The following ACSM1 variants were observed in gnomAD, a reference collection of about 807,000 sequenced individuals.
ACSM1 encodes the protein acyl-coenzyme A synthetase ACSM1, mitochondrial.
A neutral mutation model predicts 75.8 loss-of-function variants in ACSM1; 79 were observed. That is an observed-to-expected ratio of 1.04 (90% CI 0.87 to 1.26). ACSM1 has a LOEUF of 1.26. Ranked by LOEUF, ACSM1 falls within the 50% of genes most tolerant of loss-of-function variation. The probability of loss-of-function intolerance (pLI) is 0.00; values close to 1 mark genes in which losing one functional copy is unlikely to be tolerated. For synonymous variants in ACSM1, 279 were observed against 265.8 expected (o/e 1.05, Z -0.48); for missense variants, 676 against 720.1 (o/e 0.94, Z 0.70).
intron 10 of ACSM1, among the ~76,000 whole-genome samples, chr16:20,631,704 T>C (rs1016796998): frequency 1.3e-5 from 2 of 152,232 alleles, no homozygotes; most frequent in African/African-American, 4.8e-5. Flanking sequence ...TGTGAAATCA[T>C]GTCTTTCGTG....
At chr16:20,694,404 G>A (rs962279131) in intron 1 of ACSM1, among the ~76,000 whole-genome samples, 1 of 152,066 alleles carries the variant, frequency 6.6e-6, no homozygotes, top group Non-Finnish European at 1.5e-5. Flanking sequence ...ATTTCTTTAC[G>A]GCACCAAGGA....
chr16:20,682,185 GTC>G (rs2079459752), intron 4 of ACSM1, 69 bp downstream of exon 4: 1 of 1,473,490 alleles, frequency 6.8e-7, no homozygotes, highest in Admixed American at 1.7e-5. Flanking sequence ...AACCCCACTG[GTC>G]TCTCTGATTC....
intron 2 of ACSM1, among the ~76,000 whole-genome samples, chr16:20,686,892 T>A (rs2152325831): frequency 6.6e-6 from 1 of 152,058 alleles, no homozygotes; most frequent in East Asian, 1.9e-4. Flanking sequence ...GAAGACATCA[T>A]GTTGTACACC....
chr16:20,664,176 T>TATTTA (rs2019445443), intron 6 of ACSM1, among the ~76,000 whole-genome samples: 1 of 151,612 alleles, frequency 6.6e-6, no homozygotes, highest in Non-Finnish European at 1.5e-5. Context: ...TTTATTTATT[T>TATTTA]TTGGTCTAAA....
intron 6 of ACSM1, among the ~76,000 whole-genome samples, chr16:20,664,980 T>C (rs1240595672): frequency 2.0e-5 from 3 of 152,134 alleles, no homozygotes; most frequent in African/African-American, 7.2e-5. Context: ...CCAAAATCGT[T>C]GAGATGCACC....
intron 6 of ACSM1, among the ~76,000 whole-genome samples, chr16:20,665,493 A>C (rs1368225364): frequency 6.6e-6 from 1 of 152,164 alleles, no homozygotes; most frequent in Non-Finnish European, 1.5e-5. Flanking sequence ...TCTGAAATTG[A>C]ATCAGTAATT....
rs549187174 is a variant in ACSM1 at position 20,694,430 on chromosome 16, A to G, written c.-51-3191T>C. 3.3e-5 allele frequency among the ~76,000 whole-genome samples: 5 copies of G among 152,360 alleles called. No homozygotes were observed. The South Asian group carries it at 8.3e-4, about 25-fold the overall frequency. On this transcript the variant is annotated intron_variant, in intron 1 of 13. Transcript: ENST00000520010. ...GCACCAAGGAACAAACATTTCAAAC[A>G]ATATTGTAGCCAAGTTGGTTCTAGA... is the stretch of plus-strand genomic sequence containing the variant.
At chr16:20,658,842 T>A (rs1227872455) in intron 7 of ACSM1, among the ~76,000 whole-genome samples, 2 of 152,252 alleles carry the variant, frequency 1.3e-5, no homozygotes, top group African/African-American at 4.8e-5. Flanking sequence ...AATTTAATGT[T>A]GGTCCCGTAA....
intron 1 of ACSM1, among the ~76,000 whole-genome samples, chr16:20,693,413 G>T (rs969926903): frequency 6.6e-6 from 1 of 152,164 alleles, no homozygotes; most frequent in Admixed American, 6.5e-5. Flanking sequence ...GGAAAAAATG[G>T]CTTAAGCTGG....
intron 10 of ACSM1, 115 bp from the exon 11 acceptor site, chr16:20,627,431 G>A: frequency 8.0e-7 from 1 of 1,251,714 alleles, no homozygotes; most frequent in Non-Finnish European, 1.1e-6. Flanking sequence ...CGGTACCTGG[G>A]CAAGTTTTGC....
intron 7 of ACSM1, among the ~76,000 whole-genome samples, chr16:20,644,706 G>C (rs149293363): frequency 6.6e-6 from 1 of 152,198 alleles, no homozygotes; most frequent in African/African-American, 2.4e-5. Flanking sequence ...ACAAAGCCAG[G>C]AAGGAACCAT....
At position 20,635,212 on chromosome 16, in the gene ACSM1, T is replaced by A. The variant is rs115349397; in HGVS notation, c.1299+1527A>T. ...GAGTTTGAAAGTAGTCTGGGCAACA[T>A]AGTGAGACCTTATCTCTACAAAAAA... On this transcript the variant is annotated intron_variant, in intron 10 of 13. Coordinates refer to ENST00000520010, the MANE Select transcript of ACSM1 (RefSeq NM_001318890.3). 8.7e-4 allele frequency among the ~76,000 whole-genome samples: 133 copies of A among 152,118 alleles called. 1 individual carries two copies. Among genetic ancestry groups the A allele is most frequent in the African/African-American group, 2.9e-3 (120 of 41,502 alleles).
chr16:20,623,988 T>A, intron 13 of ACSM1, 108 bp downstream of exon 13: 2 of 1,510,210 alleles, frequency 1.3e-6, no homozygotes, highest in South Asian at 2.4e-5. Flanking sequence ...CCTTCAGTGT[T>A]GTAAACCTCC....
At chr16:20,678,414 C>T (rs200086145) in intron 4 of ACSM1, among the ~76,000 whole-genome samples, 6 of 152,164 alleles carry the variant, frequency 3.9e-5, no homozygotes, top group South Asian at 2.1e-4. Flanking sequence ...CAGAACAATC[C>T]ATGACAAGGG....
chr16:20,694,350 T>C (rs2079678642), intron 1 of ACSM1, among the ~76,000 whole-genome samples: 1 of 152,216 alleles, frequency 6.6e-6, no homozygotes, highest in Non-Finnish European at 1.5e-5. Context: ...CTGCAGGAAG[T>C]AAAAATGGCC....
intron 7 of ACSM1, among the ~76,000 whole-genome samples, chr16:20,644,453 T>C (rs1017642321): frequency 2.0e-5 from 3 of 152,102 alleles, no homozygotes; most frequent in Non-Finnish European, 4.4e-5. Context: ...GATTTAAATC[T>C]TAATTACATA....
chr16:20,664,016 T>C (rs1314994980), intron 6 of ACSM1, among the ~76,000 whole-genome samples: 4 of 152,258 alleles, frequency 2.6e-5, no homozygotes, highest in African/African-American at 9.6e-5. Flanking sequence ...CTACTCCTGG[T>C]GCTTTGCAGC....
intron 5 of ACSM1, 29 bp downstream of exon 5, chr16:20,671,502 A>G (rs746442397): frequency 2.5e-6 from 4 of 1,579,396 alleles, no homozygotes; most frequent in Non-Finnish European, 3.4e-6. Flanking sequence ...ATCTGGGTCC[A>G]GCCTCTATGT....
chr16:20,630,867 A>G (rs1432913618), intron 10 of ACSM1, among the ~76,000 whole-genome samples: 2 of 152,230 alleles, frequency 1.3e-5, no homozygotes, highest in African/African-American at 4.8e-5. Flanking sequence ...GAAAACTTTT[A>G]AAAAATCACA....
Sources: allele counts gnomAD v4.1 joint callset (sites outside exome capture counted in the v4.1 genomes callset), GRCh38; gene constraint gnomAD v4.1.1; transcripts MANE v1.5; gene names NCBI Gene and HGNC (gene_info 2026-07-23, HGNC 2026-07-21).